The following STAT6 variants were observed in gnomAD, a reference collection of about 807,000 sequenced individuals.
The protein encoded by STAT6 is signal transducer and activator of transcription 6.
In STAT6, 45 loss-of-function variants were observed where a neutral mutation model predicts 106.3. The ratio of observed to expected loss-of-function variants is 0.42; its 90% CI spans 0.33 to 0.54. The LOEUF (loss-of-function observed/expected upper bound fraction) is 0.54, where lower values mean the gene tolerates loss of function less well. Among genes scored for constraint, STAT6 ranks in the 20% least tolerant of loss-of-function variants. The probability of loss-of-function intolerance (pLI) is 0.06; values close to 1 mark genes in which losing one functional copy is unlikely to be tolerated. For missense variants in STAT6, 797 were observed against 1,062.2 expected (o/e 0.75, Z 3.47); for synonymous variants, 413 against 413.6 (o/e 1.00, Z 0.02).
Position 57,106,302 on chromosome 12 carries a change from A to C in STAT6, c.569T>G (p.Leu190Arg). 6.2e-7 allele frequency: 1 copy of C among 1,614,158 alleles called. No individual in the cohort carries two copies. The highest frequency in any genetic ancestry group is 8.5e-7 in the Non-Finnish European group (1 of 1,180,020). The change falls in exon 7 of 22, where the codon CTA (leucine) becomes CGA (arginine). Residue 190 changes from leucine (L) to arginine (R), a missense_variant. This residue lies in a region of STAT6 where 336 missense variants were observed against 429.8 expected (regional missense o/e 0.78). Coordinates refer to ENST00000300134, the MANE Select transcript of STAT6 (RefSeq NM_003153.5). ...AMLLQETTGE[L>R]EAAKALVLKR... ...CAGCACTAGGGCTTTGGCTGCCTCT[A>C]GCTCTCCAGTGGTCTCCTGCAGTAG...
At chr12:57,111,003 A>C (rs1211202658) in intron 1 of STAT6, 126 bp downstream of exon 1, 1 of 152,906 alleles carries the variant, frequency 6.5e-6, no homozygotes, top group South Asian at 2.1e-4. Flanking sequence ...AGCCACCAAC[A>C]CTAGCTGAAA....
At chr12:57,108,442 C>T (rs2034405339) in intron 1 of STAT6, 143 bp from the exon 2 acceptor site, 5 of 594,146 alleles carry the variant, frequency 8.4e-6, no homozygotes, top group Admixed American at 2.7e-5. Context: ...AAACCAGGGG[C>T]ATCCTGAGTC....
Position 57,105,213 on chromosome 12 carries a change from G to T in STAT6, c.939C>A (p.Ala313=), listed in dbSNP as rs754242223. Residue 313 remains alanine (A), a synonymous_variant, in exon 9 of 22, where the codon GCC becomes GCA. Transcript: ENST00000300134. ...GAPAKPPLVR[A]DMVTEKQARE... ...GCGCCTGCTTCTCTGTCACCATGTC[G>T]GCCCTGACCAGCGGAGGCTTGGCTG... is the stretch of plus-strand genomic sequence containing the variant. 3.1e-6 allele frequency: 5 copies of T among 1,613,836 alleles called. No individual in the cohort carries two copies. In the African/African-American group the frequency reaches 6.7e-5, roughly 22 times the overall value.
At chr12:57,096,800 G>A (rs184794768) in intron 21 of STAT6, 39 bp from the exon 22 acceptor site, 93 of 1,613,234 alleles carry the variant, frequency 5.8e-5, no homozygotes, top group Non-Finnish European at 3.9e-5. Context: ...TAGGCATGGC[G>A]CCCACTCCCC....
At chr12:57,097,517 A>C (rs1165037535) in intron 19 of STAT6, among the ~76,000 whole-genome samples, 1 of 152,206 alleles carries the variant, frequency 6.6e-6, no homozygotes, top group Non-Finnish European at 1.5e-5. Flanking sequence ...AACAAAAACC[A>C]ATACAGCAGA....
At chr12:57,102,965 CTTT>C in intron 11 of STAT6, 44 bp from the exon 12 acceptor site, 1 of 302,570 alleles carries the variant, frequency 3.3e-6, no homozygotes, top group Non-Finnish European at 5.0e-6. Context: ...TCTTTCTTTC[CTTT>C]TTTTTTTTTT....
intron 1 of STAT6, 106 bp from the exon 2 acceptor site, chr12:57,108,405 C>T: frequency 1.6e-6 from 1 of 644,498 alleles, no homozygotes. Flanking sequence ...GGACCGTCCC[C>T]ACCACCACTC....
rs1319976875 is a variant in STAT6, at chr12:57,096,831, C to T, written c.2354+19G>A. On this transcript the variant is annotated intron_variant, in intron 21 of 21. Coordinates refer to ENST00000300134, the MANE Select transcript of STAT6 (RefSeq NM_003153.5). ...TCCCCTAGATGCCACCCAGCCTCCACTCCCAAGCTGCCACTCACCAAGTGC... is the reference window on the plus strand; with the variant it reads ...TCCCCTAGATGCCACCCAGCCTCCATTCCCAAGCTGCCACTCACCAAGTGC... 1 of 1,613,906 alleles carries T rather than the reference C, an allele frequency of 6.2e-7. No individual in the cohort carries two copies. Among genetic ancestry groups the T allele is most frequent in the Admixed American group, 1.7e-5 (1 of 59,924 alleles).
chr12:57,097,849 A>T (rs982746423), intron 19 of STAT6, among the ~76,000 whole-genome samples: 3 of 152,146 alleles, frequency 2.0e-5, no homozygotes, highest in Non-Finnish European at 4.4e-5. Flanking sequence ...GCAGGGAGCT[A>T]AGATCGCACC....
At chr12:57,106,106 T>C in intron 7 of STAT6, 85 bp downstream of exon 7, 1 of 1,582,064 alleles carries the variant, frequency 6.3e-7, no homozygotes, top group Non-Finnish European at 8.6e-7. Context: ...CCCGCCTGGC[T>C]TCTTTCTCTC....
intron 11 of STAT6, 75 bp from the exon 12 acceptor site, chr12:57,102,996 TTTTTTTTTTTTTTTTTTTA>T: frequency 2.3e-6 from 1 of 425,982 alleles, no homozygotes; most frequent in Non-Finnish European, 3.8e-6. Flanking sequence ...TTTTTTTTTT[TTTTTTTTTTTTTTTTTTTA>T]GATAGTATCT....
chr12:57,102,634 A>G (rs2034006016), intron 12 of STAT6, 138 bp from the exon 13 acceptor site: 1 of 1,047,234 alleles, frequency 9.5e-7, no homozygotes, highest in Non-Finnish European at 1.4e-6. Context: ...TGTTTTTTCT[A>G]GGTTACAGTG....
At chr12:57,104,328 C>T (rs2034138084) in intron 11 of STAT6, 136 bp downstream of exon 11, 2 of 1,305,178 alleles carry the variant, frequency 1.5e-6, no homozygotes, top group Non-Finnish European at 2.1e-6. Flanking sequence ...CCCACTCACC[C>T]GGGCCCCAGT....
chr12:57,104,687 C>A (rs1051659181), intron 10 of STAT6, 39 bp downstream of exon 10: 35 of 1,613,870 alleles, frequency 2.2e-5, no homozygotes, highest in Non-Finnish European at 2.8e-5. Flanking sequence ...CCACAGTCTC[C>A]TAGTGGTGCC....
chr12:57,107,737 G>A lies in STAT6; in HGVS notation c.123C>T (p.Phe41=), dbSNP rs1341647037. ...AGCAGAAGGCGTCGGAGCCGACCAG[G>A]AACTCCCTGCAGGAAGATCAGGATG... ...GDWLESQPWE[F]LVGSDAFCCN... is the part of the protein sequence containing the mutation. The change falls in exon 3 of 22, where the codon TTC becomes TTT. Residue 41 remains phenylalanine, a synonymous_variant. Coordinates refer to ENST00000300134, the MANE Select transcript of STAT6 (RefSeq NM_003153.5). The A allele has an allele frequency of 1.9e-6, 3 of 1,613,938 alleles. No homozygotes were observed. The highest frequency in any genetic ancestry group is 1.7e-5 in the Admixed American group (1 of 60,006).
In STAT6 at chr12:57,096,560, C is replaced by G; in HGVS notation, c.*12G>C. The G allele has an allele frequency of 6.4e-7, 1 of 1,572,016 alleles. No homozygotes were observed. Among genetic ancestry groups the G allele is most frequent in the Non-Finnish European group, 8.6e-7 (1 of 1,161,832 alleles). ...GAAGAGCTGTCTCTTTGGGTTCTCC[C>G]TCCAGCTGGGATCACCAACTGGGGT... On this transcript the variant is annotated 3_prime_UTR_variant, in exon 22 of 22. Transcript: ENST00000300134.
intron 19 of STAT6, 175 bp from the exon 20 acceptor site, chr12:57,097,308 T>G: frequency 2.2e-6 from 1 of 460,738 alleles, no homozygotes; most frequent in Non-Finnish European, 3.7e-6. Flanking sequence ...AAAATGTGCG[T>G]GTTATGGGGG....
At position 57,102,828 on chromosome 12, in the gene STAT6, C is replaced by G. The variant is rs2034021664; in HGVS notation, c.1305+1G>C. On this transcript the variant is annotated splice_donor_variant, in intron 12 of 21. Transcript: ENST00000300134. LOFTEE classifies it high-confidence loss of function. The stretch of plus-strand genomic sequence containing the variant: ...CCCTCCAACTCCAGGACTTTCCTCA[C>G]CATCTCAGAGAAGGCATTGTCCCAC... The G allele has an allele frequency of 6.2e-7, 1 of 1,613,264 alleles. No individual in the cohort carries two copies. The highest frequency in any genetic ancestry group is 1.3e-5 in the African/African-American group (1 of 74,856).
In STAT6 at chr12:57,107,584, T is replaced by C. The variant is rs774445781; in HGVS notation, c.255+21A>G. On this transcript the variant is annotated intron_variant, in intron 3 of 21. Transcript: ENST00000300134. ...TCAACCTCAGCCCCACCCAGCCTTG[T>C]CCCCTCCCCTCCTGCCCCACCTCAA... 5 of 1,611,364 alleles carry C rather than the reference T, an allele frequency of 3.1e-6. No homozygotes were observed. The South Asian group carries it at 3.3e-5, about 11-fold the overall frequency.
Sources: allele counts gnomAD v4.1 joint callset (sites outside exome capture counted in the v4.1 genomes callset), GRCh38; gene constraint gnomAD v4.1.1; regional missense constraint gnomAD v4.1.1; transcripts MANE v1.5; gene names NCBI Gene and HGNC (gene_info 2026-07-23, HGNC 2026-07-21).